The following CDC42SE2 variants were observed in gnomAD, a reference collection of about 807,000 sequenced individuals.
CDC42SE2 encodes the protein CDC42 small effector protein 2.
A neutral mutation model predicts 11.5 loss-of-function variants in CDC42SE2; 3 were observed. That is an observed-to-expected ratio of 0.26 (90% CI 0.12 to 0.67). The LOEUF (loss-of-function observed/expected upper bound fraction) is 0.67. Among genes scored for constraint, CDC42SE2 ranks in the 30% least tolerant of loss-of-function variants. The pLI, the probability that CDC42SE2 is intolerant of heterozygous loss-of-function variation, is 0.80. For synonymous variants in CDC42SE2, 33 were observed against 34.8 expected, an observed-to-expected ratio of 0.95 and a Z score of 0.18; for missense variants, 82 against 106.8, an observed-to-expected ratio of 0.77 and a Z score of 1.02.
chr5:131,340,375 G>A (rs987807832), intron 2 of CDC42SE2, among the ~76,000 whole-genome samples: 38 of 152,144 alleles, frequency 2.5e-4, no homozygotes, highest in African/African-American at 8.7e-4. Context: ...GCTACCCGTC[G>A]GTTAATGTGT....
chr5:131,347,226 G>C (rs1758869581), intron 2 of CDC42SE2, among the ~76,000 whole-genome samples: 1 of 152,066 alleles, frequency 6.6e-6, no homozygotes, highest in African/African-American at 2.4e-5. Flanking sequence ...TTTTTGAAAA[G>C]ATCAACAAAA....
At chr5:131,223,867 A>T in the CDC42SE2 span, among the ~76,000 whole-genome samples, 4 of 151,910 alleles carry the variant, frequency 2.6e-5, no homozygotes, top group Non-Finnish European at 5.9e-5. Flanking sequence ...TGCCCACATG[A>T]CTCCACCAAA....
At chr5:131,331,821 T>G (rs945153061) in intron 2 of CDC42SE2, among the ~76,000 whole-genome samples, 8 of 152,326 alleles carry the variant, frequency 5.3e-5, no homozygotes, top group Admixed American at 5.2e-4. Context: ...CATAACATCA[T>G]TATCAAAGCT....
rs1750784045 is a variant in CDC42SE2, at chr5:131,394,266, A to ATTGT, written c.*3177_*3180dup. 6.6e-6 allele frequency: 1 copy of ATTGT among 152,340 alleles called. No homozygotes were observed. The highest frequency in any genetic ancestry group is 1.5e-5 in the Non-Finnish European group (1 of 68,042). 9.4% of individuals were successfully genotyped at this position (152,340 alleles called of 1,614,324 possible). On this transcript the variant is annotated 3_prime_UTR_variant, in exon 5 of 5. Transcript: ENST00000505065. ...GGAAACTGAAGACTTAGTCATGTGGATTGTTAGCAGTGATCTGCATTCTGT... is the reference window on the plus strand; with the variant it reads ...GGAAACTGAAGACTTAGTCATGTGGATTGTTTGTTAGCAGTGATCTGCATTCTGT...
chr5:131,366,359 G>C (rs1368108944), intron 3 of CDC42SE2, among the ~76,000 whole-genome samples: 4 of 152,198 alleles, frequency 2.6e-5, no homozygotes, highest in African/African-American at 9.7e-5. Flanking sequence ...ATTAGGAACT[G>C]TTGGTAAGCT....
At position 131,309,805 on chromosome 5, in the gene CDC42SE2, T is replaced by G. The variant is rs1461793536; in HGVS notation, c.-454-6171T>G. Among the ~76,000 whole-genome samples the G allele has an allele frequency of 5.9e-5, 9 of 152,154 alleles. 1 individual carries two copies. The highest frequency in any genetic ancestry group is 5.9e-4 in the Admixed American group (9 of 15,276). The stretch of plus-strand genomic sequence containing the variant: ...ATCGGTGGTGATATCCCCATTATCA[T>G]TTTTTATTGGGTCTATTTGATTCTT... On this transcript the variant is annotated intron_variant, in intron 1 of 4. Coordinates refer to ENST00000505065, the MANE Select transcript of CDC42SE2 (RefSeq NM_001375635.1).
Position 131,264,071 on chromosome 5 carries a change from TG to T in CDC42SE2, c.-546del, listed in dbSNP as rs1337773505. On this transcript the variant is annotated 5_prime_UTR_variant, in exon 1 of 5. Coordinates refer to ENST00000505065, the MANE Select transcript of CDC42SE2 (RefSeq NM_001375635.1). ...GGGAGCCAGGAAGCTGCGAGCGCGCTGGGGAGCGCAGCTGCAGGCGTTGGGG... is the reference window on the plus strand; with the variant it reads ...GGGAGCCAGGAAGCTGCGAGCGCGCTGGGAGCGCAGCTGCAGGCGTTGGGG... 1 of 151,722 alleles carries T rather than the reference TG, an allele frequency of 6.6e-6. No homozygotes were observed. Among genetic ancestry groups the T allele is most frequent in the African/African-American group, 2.4e-5 (1 of 41,282 alleles). The allele number at this position is 151,722 out of a possible 1,614,324, so 9.4% of individuals were successfully genotyped here.
chr5:131,253,403 T>C (rs1036208109), intron 1 of CDC42SE2, among the ~76,000 whole-genome samples: 3 of 152,184 alleles, frequency 2.0e-5, no homozygotes, highest in Admixed American at 6.5e-5. Context: ...AGCCACTCAA[T>C]AGGTGGACAG....
intron 1 of CDC42SE2, among the ~76,000 whole-genome samples, chr5:131,310,223 G>A (rs1323816097): frequency 2.6e-5 from 4 of 151,868 alleles, no homozygotes; most frequent in East Asian, 3.8e-4. Context: ...TCATTCAGGA[G>A]CAGGTTGTTC....
chr5:131,346,253 G>A (rs984018973), intron 2 of CDC42SE2, among the ~76,000 whole-genome samples: 5 of 152,082 alleles, frequency 3.3e-5, no homozygotes, highest in African/African-American at 1.2e-4. Context: ...GTATTCAGGA[G>A]ACCCATCTCA....
intron 1 of CDC42SE2, among the ~76,000 whole-genome samples, chr5:131,311,920 G>A (rs867434441): frequency 2.2e-4 from 34 of 152,048 alleles, no homozygotes; most frequent in Middle Eastern, 3.4e-3. Context: ...TAATTTGATC[G>A]TCTGAAGCCT....
At chr5:131,290,559 G>A (rs1757437773) in intron 1 of CDC42SE2, among the ~76,000 whole-genome samples, 1 of 147,194 alleles carries the variant, frequency 6.8e-6, no homozygotes. Flanking sequence ...GTCAATGGCA[G>A]CCTCCACCTC....
chr5:131,376,714 A>G (rs1001175995), intron 3 of CDC42SE2, among the ~76,000 whole-genome samples: 8 of 152,120 alleles, frequency 5.3e-5, no homozygotes, highest in East Asian at 1.9e-4. Context: ...TGTGTACTCA[A>G]TGTAGCTCCC....
chr5:131,350,637 G>GTGTGTGTGTGTGTGTGTA (rs147203202), intron 2 of CDC42SE2, among the ~76,000 whole-genome samples: 1 of 147,608 alleles, frequency 6.8e-6, no homozygotes, highest in African/African-American at 2.5e-5. Context: ...GTGTGTGTGT[G>GTGTGTGTGTGTGTGTGTA]TATATATATA....
chr5:131,341,543 G>A (rs770181580), intron 2 of CDC42SE2, among the ~76,000 whole-genome samples: 16 of 152,306 alleles, frequency 1.1e-4, no homozygotes, highest in South Asian at 4.1e-4. Context: ...ACATAAGTGA[G>A]AAGGATGAGA....
At chr5:131,260,882 C>T (rs1050479922), upstream of CDC42SE2, among the ~76,000 whole-genome samples, 4 of 152,150 alleles carry the variant, frequency 2.6e-5, no homozygotes, top group African/African-American at 9.7e-5. Context: ...TGCAGTGAGC[C>T]AAGATAGTGC....
At chr5:131,364,756 T>G (rs1561599918) in intron 3 of CDC42SE2, among the ~76,000 whole-genome samples, 1 of 152,216 alleles carries the variant, frequency 6.6e-6, no homozygotes, top group Non-Finnish European at 1.5e-5. Context: ...TTTGTGGCTT[T>G]TCTTTCTGCC....
intron 1 of CDC42SE2, among the ~76,000 whole-genome samples, chr5:131,310,146 G>A (rs1237676383): frequency 6.6e-6 from 1 of 151,902 alleles, no homozygotes; most frequent in Non-Finnish European, 1.5e-5. Flanking sequence ...GGTATGTTGT[G>A]TCTTTGTTCT....
chr5:131,216,501 C>CAAAAAAAAAAA, the CDC42SE2 span, among the ~76,000 whole-genome samples: 242 of 42,134 alleles, frequency 5.7e-3, 16 homozygotes, highest in African/African-American at 0.02. Context: ...GAACCTGTCT[C>CAAAAAAAAAAA]AAAAAAAAAA....
Sources: gnomAD v4.1 joint callset for allele counts (sites outside exome capture counted in the v4.1 genomes callset) on GRCh38, gnomAD v4.1.1 for gene constraint, MANE v1.5 for transcripts, NCBI Gene and HGNC (gene_info 2026-07-23, HGNC 2026-07-21) for gene names.